Variants in GRID2 observed in about 807,000 individuals in gnomAD.
The protein encoded by GRID2 is glutamate receptor ionotropic, delta-2.
GRID2 carries 33 observed loss-of-function variants against 114.8 expected under a neutral mutation model. The ratio of observed to expected loss-of-function variants is 0.29; its 90% CI spans 0.22 to 0.38. The LOEUF is 0.38. Among genes scored for constraint, GRID2 ranks in the 10% least tolerant of loss-of-function variants. GRID2 has a pLI of 1.00. For synonymous variants in GRID2, 505 were observed against 449.9 expected (o/e 1.12, Z -1.55); for missense variants, 1,184 against 1,257.7 (o/e 0.94, Z 0.89).
Position 93,154,736 on chromosome 4 carries a change from G to A in GRID2, c.735+43783G>A, listed in dbSNP as rs546558387. 4.1e-3 allele frequency among the ~76,000 whole-genome samples: 613 copies of A among 150,366 alleles called. 5 individuals carry two copies. The highest frequency in any genetic ancestry group is 6.7e-3 in the Admixed American group (101 of 15,028). ...TCATTATCTTCTCTCTGTATTCGTG[G>A]CAAAAAAACAAAAACAAAAACAAAC... On this transcript the variant is annotated intron_variant, in intron 4 of 15. Transcript: ENST00000282020.
At chr4:93,766,429 G>A (rs1044218750) in intron 14 of GRID2, among the ~76,000 whole-genome samples, 2 of 152,082 alleles carry the variant, frequency 1.3e-5, no homozygotes, top group Admixed American at 1.3e-4. Flanking sequence ...CACAAGAACG[G>A]CATGAGGGAA....
chr4:93,379,155 A>G (rs954555621), intron 8 of GRID2, among the ~76,000 whole-genome samples: 1 of 152,068 alleles, frequency 6.6e-6, no homozygotes, highest in Non-Finnish European at 1.5e-5. Flanking sequence ...GTAAGGCTTT[A>G]TTATAAACCA....
intron 12 of GRID2, among the ~76,000 whole-genome samples, chr4:93,506,037 AT>A (rs1322699583): frequency 6.6e-6 from 1 of 152,028 alleles, no homozygotes; most frequent in African/African-American, 2.4e-5. Context: ...CTTCCCTTAG[AT>A]TCTCTAAAAT....
intron 4 of GRID2, among the ~76,000 whole-genome samples, chr4:93,191,581 C>T (rs1436016156): frequency 1.3e-5 from 2 of 151,806 alleles, no homozygotes; most frequent in Non-Finnish European, 2.9e-5. Context: ...TATTACATAT[C>T]TTTATTTCTT....
At chr4:92,520,940 A>C (rs1361696721) in intron 1 of GRID2, among the ~76,000 whole-genome samples, 4 of 151,952 alleles carry the variant, frequency 2.6e-5, no homozygotes, top group African/African-American at 9.7e-5. Flanking sequence ...ATAGTGAATG[A>C]TGCCACTTCC....
At chr4:93,651,277 C>G (rs897249317) in intron 14 of GRID2, among the ~76,000 whole-genome samples, 1 of 152,172 alleles carries the variant, frequency 6.6e-6, no homozygotes, top group African/African-American at 2.4e-5. Context: ...CCAAAGATGA[C>G]CTTGTGTACA....
At chr4:93,807,133 G>A (rs1266312317) in exon 2 of GRID2, 1 of 152,238 alleles carries the variant, frequency 6.6e-6, no homozygotes, top group Non-Finnish European at 1.5e-5. Context: ...AGCCTTAGAA[G>A]GATGCTTCTA....
chr4:92,700,721 G>A (rs1460951925), intron 2 of GRID2, among the ~76,000 whole-genome samples: 2 of 152,104 alleles, frequency 1.3e-5, no homozygotes, highest in South Asian at 2.1e-4. Flanking sequence ...GGCTGGGCGC[G>A]GTGGCTCACG....
At chr4:92,331,364 G>A (rs1205779813) in intron 1 of GRID2, among the ~76,000 whole-genome samples, 1 of 152,142 alleles carries the variant, frequency 6.6e-6, no homozygotes, top group East Asian at 1.9e-4. Context: ...AGCCCGATCT[G>A]TCTTACTTTA....
chr4:92,530,171 G>A (rs1199818508), intron 1 of GRID2, among the ~76,000 whole-genome samples: 3 of 151,852 alleles, frequency 2.0e-5, no homozygotes, highest in Non-Finnish European at 4.4e-5. Context: ...AAGGATGATA[G>A]AATTAGAAAA....
At chr4:93,743,490 G>C (rs1391296332) in intron 14 of GRID2, among the ~76,000 whole-genome samples, 2 of 152,138 alleles carry the variant, frequency 1.3e-5, no homozygotes, top group Non-Finnish European at 2.9e-5. Flanking sequence ...AAAGAATAAA[G>C]GTTTTTTGGT....
chr4:93,004,420 T>C (rs1297601661), intron 2 of GRID2, among the ~76,000 whole-genome samples: 2 of 151,954 alleles, frequency 1.3e-5, no homozygotes, highest in South Asian at 2.1e-4. Context: ...CTATGCACTT[T>C]ATTTACCACC....
chr4:93,225,769 A>T (rs902462167), intron 7 of GRID2, among the ~76,000 whole-genome samples: 2 of 152,196 alleles, frequency 1.3e-5, no homozygotes, highest in Non-Finnish European at 2.9e-5. Flanking sequence ...TACTTGTATC[A>T]GTCCCTTTTC....
At chr4:93,658,156 C>A (rs1167098861) in intron 14 of GRID2, among the ~76,000 whole-genome samples, 1 of 152,142 alleles carries the variant, frequency 6.6e-6, no homozygotes, top group African/African-American at 2.4e-5. Flanking sequence ...TTTAATCAAT[C>A]TTAGAGCATA....
chr4:93,709,181 G>A (rs1236592015), intron 14 of GRID2, among the ~76,000 whole-genome samples: 1 of 152,040 alleles, frequency 6.6e-6, no homozygotes, highest in Non-Finnish European at 1.5e-5. Flanking sequence ...TATTACTAGG[G>A]AGTTTTGTAC....
At chr4:93,803,726 A>T (rs1051346328) in intron 1 of GRID2, among the ~76,000 whole-genome samples, 1 of 152,190 alleles carries the variant, frequency 6.6e-6, no homozygotes, top group African/African-American at 2.4e-5. Context: ...CGTCTCAAAA[A>T]AAAAAACAAA....
intron 13 of GRID2, among the ~76,000 whole-genome samples, chr4:93,586,614 T>C (rs1484288230): frequency 6.6e-6 from 1 of 152,152 alleles, no homozygotes; most frequent in African/African-American, 2.4e-5. Context: ...ACCCTAATTT[T>C]ATAAATGAAG....
chr4:93,189,799 ACACAC>A, intron 4 of GRID2, among the ~76,000 whole-genome samples: 1 of 151,020 alleles, frequency 6.6e-6, no homozygotes, highest in Non-Finnish European at 1.5e-5. Context: ...ACACACACAC[ACACAC>A]ACACACACAC....
intron 8 of GRID2, among the ~76,000 whole-genome samples, chr4:93,275,431 CAT>C (rs3078736): frequency 0.69 from 102,573 of 147,880 alleles, 36,247 homozygotes; most frequent in African/African-American, 0.83. Flanking sequence ...TGGATATATA[CAT>C]ATATATATAT....
Sources: allele counts gnomAD v4.1 joint callset (sites outside exome capture counted in the v4.1 genomes callset), GRCh38; gene constraint gnomAD v4.1.1; transcripts MANE v1.5; gene names NCBI Gene and HGNC (gene_info 2026-07-23, HGNC 2026-07-21).